Variants in RASAL2 observed in about 807,000 individuals in gnomAD.
The protein encoded by RASAL2 is ras GTPase-activating protein nGAP.
RASAL2 carries 58 observed loss-of-function variants against 128.9 expected under a neutral mutation model. The ratio of observed to expected loss-of-function variants is 0.45; its 90% CI spans 0.36 to 0.56. RASAL2 has a LOEUF of 0.56. RASAL2 is among the 20% of genes least tolerant of loss of function. The pLI is 0.00. For missense variants in RASAL2, 1,360 were observed against 1,601.6 expected, an observed-to-expected ratio of 0.85 and a Z score of 2.57; for synonymous variants, 561 against 580.8, an observed-to-expected ratio of 0.97 and a Z score of 0.49.
chr1:178,451,964 T>C (rs1298908122), intron 10 of RASAL2, among the ~76,000 whole-genome samples: 1 of 152,240 alleles, frequency 6.6e-6, no homozygotes, highest in African/African-American at 2.4e-5. Flanking sequence ...ATATTAGTAC[T>C]ATAGCCTCTA....
At chr1:178,465,121 T>C (rs956227333) in intron 15 of RASAL2, among the ~76,000 whole-genome samples, 12 of 152,086 alleles carry the variant, frequency 7.9e-5, no homozygotes, top group African/African-American at 2.9e-4. Context: ...TGTAACTAAT[T>C]GAGTCACTGA....
At chr1:178,261,662 C>T (rs531147464) in intron 1 of RASAL2, among the ~76,000 whole-genome samples, 2 of 152,158 alleles carry the variant, frequency 1.3e-5, no homozygotes, top group East Asian at 1.9e-4. Context: ...TGACTCAACG[C>T]GTGTAATCCC....
intron 1 of RASAL2, among the ~76,000 whole-genome samples, chr1:178,202,277 A>C (rs1361620497): frequency 2.0e-5 from 3 of 152,224 alleles, no homozygotes; most frequent in African/African-American, 7.2e-5. Flanking sequence ...AAGTGGCTCA[A>C]ACGCCCATGG....
At chr1:178,294,324 A>G (rs1433867861) in intron 2 of RASAL2, among the ~76,000 whole-genome samples, 4 of 152,026 alleles carry the variant, frequency 2.6e-5, no homozygotes, top group African/African-American at 4.8e-5. Context: ...ACACACCACC[A>G]CTTCTTTGAA....
intron 3 of RASAL2, among the ~76,000 whole-genome samples, chr1:178,358,741 T>C (rs73035268): frequency 0.022 from 3,290 of 152,228 alleles, 110 homozygotes; most frequent in African/African-American, 0.071. Context: ...AAGTTGAACA[T>C]TTATATACCC....
intron 1 of RASAL2, among the ~76,000 whole-genome samples, chr1:178,109,770 C>G (rs1165206157): frequency 6.6e-6 from 1 of 152,030 alleles, no homozygotes; most frequent in Non-Finnish European, 1.5e-5. Flanking sequence ...GTCTATAATC[C>G]TGGTGTTTTG....
intron 1 of RASAL2, among the ~76,000 whole-genome samples, chr1:178,262,317 G>A (rs980620169): frequency 6.6e-6 from 1 of 151,740 alleles, no homozygotes; most frequent in Non-Finnish European, 1.5e-5. Flanking sequence ...TGGTGCTTGT[G>A]TTTCAGTGAC....
intron 1 of RASAL2, among the ~76,000 whole-genome samples, chr1:178,208,273 A>G (rs1663124191): frequency 6.6e-6 from 1 of 152,214 alleles, no homozygotes; most frequent in Non-Finnish European, 1.5e-5. Context: ...CAGAGAGCCT[A>G]TAAATGGATG....
At chr1:178,243,941 G>A (rs959837532) in intron 1 of RASAL2, among the ~76,000 whole-genome samples, 1 of 152,126 alleles carries the variant, frequency 6.6e-6, no homozygotes, top group African/African-American at 2.4e-5. Flanking sequence ...AGAGTGCCTA[G>A]CTTGTCATCA....
chr1:178,438,846 G>T (rs12059626), intron 5 of RASAL2, among the ~76,000 whole-genome samples: 6,334 of 150,244 alleles, frequency 0.042, 429 homozygotes, highest in African/African-American at 0.14. Flanking sequence ...ACTTTTGAAA[G>T]ACAAGGTCTT....
chr1:178,405,946 C>T (rs982619112), intron 4 of RASAL2, among the ~76,000 whole-genome samples: 1 of 152,086 alleles, frequency 6.6e-6, no homozygotes, highest in African/African-American at 2.4e-5. Flanking sequence ...TACTATTTTT[C>T]CAAATTTTTT....
intron 1 of RASAL2, among the ~76,000 whole-genome samples, chr1:178,265,151 G>C (rs1571737408): frequency 6.6e-6 from 1 of 152,176 alleles, no homozygotes; most frequent in East Asian, 1.9e-4. Flanking sequence ...CTAGTTATCT[G>C]ACTATACCAC....
intron 3 of RASAL2, among the ~76,000 whole-genome samples, chr1:178,356,038 G>A (rs1223769539): frequency 5.3e-5 from 8 of 152,012 alleles, no homozygotes; most frequent in South Asian, 2.1e-4. Flanking sequence ...GGATGGTGGC[G>A]GGCACCTGTA....
chr1:178,297,537 G>A (rs565928808), intron 2 of RASAL2, among the ~76,000 whole-genome samples: 3 of 150,148 alleles, frequency 2.0e-5, no homozygotes, highest in Non-Finnish European at 4.4e-5. Context: ...AACTTGGGAG[G>A]CGGAGGTTGC....
At chr1:178,361,546 A>G (rs1671107548) in intron 3 of RASAL2, among the ~76,000 whole-genome samples, 1 of 151,984 alleles carries the variant, frequency 6.6e-6, no homozygotes, top group Admixed American at 6.6e-5. Context: ...TGTGGATTCA[A>G]CCAACCATGG....
rs1377887407 is a variant in RASAL2 at position 178,466,137 on chromosome 1, G to A, written c.3590+15G>A. On this transcript the variant is annotated intron_variant, in intron 16 of 17. Coordinates refer to ENST00000367649, the MANE Select transcript of RASAL2 (RefSeq NM_170692.4). ...ATCATCAGCAGGTTAGACATCACCT[G>A]GCAGCAGATGTGGGCTAGTTAGCAA... The A allele has an allele frequency of 2.6e-6, 4 of 1,535,352 alleles. No individual in the cohort carries two copies. Among genetic ancestry groups the A allele is most frequent in the African/African-American group, 2.8e-5 (2 of 72,070 alleles).
At position 178,345,127 on chromosome 1, in the gene RASAL2, C is replaced by T. The variant is rs140998006; in HGVS notation, c.458-44973C>T. On this transcript the variant is annotated intron_variant, in intron 3 of 17. Transcript: ENST00000367649. ...TAAGCTGAATTGGAAATACTGTTAA[C>T]TCAAGCACATGAAGAGGGAACCATT... 5.1e-3 allele frequency among the ~76,000 whole-genome samples: 769 copies of T among 152,274 alleles called. 30 individuals are homozygous for T. Among genetic ancestry groups the T allele is most frequent in the Admixed American group, 0.047 (713 of 15,284 alleles).
intron 5 of RASAL2, among the ~76,000 whole-genome samples, chr1:178,426,431 G>A (rs1422227355): frequency 2.0e-5 from 3 of 152,216 alleles, no homozygotes; most frequent in Admixed American, 6.5e-5. Context: ...AGCCGTGATC[G>A]TGCCACTGCA....
intron 17 of RASAL2, among the ~76,000 whole-genome samples, chr1:178,469,491 G>A (rs1197831167): frequency 6.6e-6 from 1 of 152,114 alleles, no homozygotes; most frequent in African/African-American, 2.4e-5. Context: ...AAGCCAGGGA[G>A]GGAATCTGAT....
Sources: gnomAD v4.1 joint callset for allele counts (sites outside exome capture counted in the v4.1 genomes callset) on GRCh38, gnomAD v4.1.1 for gene constraint, MANE v1.5 for transcripts, NCBI Gene and HGNC (gene_info 2026-07-23, HGNC 2026-07-21) for gene names.